The following AKT3 variants were observed in gnomAD, a reference collection of about 807,000 sequenced individuals.
AKT3 encodes the protein RAC-gamma serine/threonine-protein kinase.
A neutral mutation model predicts 65.3 loss-of-function variants in AKT3; 15 were observed. That is an observed-to-expected ratio of 0.23 (90% CI 0.15 to 0.35). AKT3 has a LOEUF of 0.35. Ranked by LOEUF, AKT3 falls within the 10% of genes least tolerant of loss-of-function variation. The probability of loss-of-function intolerance (pLI) is 1.00; values close to 1 mark genes in which losing one functional copy is unlikely to be tolerated. For missense variants in AKT3, 243 were observed against 576.5 expected (o/e 0.42, Z 5.92); for synonymous variants, 206 against 183.8 (o/e 1.12, Z -0.98).
intron 2 of AKT3, among the ~76,000 whole-genome samples, chr1:243,807,261 C>T (rs762997712): frequency 2.0e-4 from 30 of 152,200 alleles, no homozygotes; most frequent in Non-Finnish European, 4.1e-4. Context: ...AAGCACAAGG[C>T]GTCAGGGAAT....
At chr1:243,609,399 AT>A (rs1677698392) in intron 8 of AKT3, among the ~76,000 whole-genome samples, 1 of 151,154 alleles carries the variant, frequency 6.6e-6, no homozygotes, top group Non-Finnish European at 1.5e-5. Flanking sequence ...GCATGTTAAA[AT>A]TATACACCAC....
intron 3 of AKT3, among the ~76,000 whole-genome samples, chr1:243,676,498 G>A (rs1190526879): frequency 3.9e-5 from 6 of 152,054 alleles, no homozygotes; most frequent in African/African-American, 7.2e-5. Context: ...CTTCAGTCAC[G>A]GCCCTTCTCA....
chr1:243,686,012 C>G (rs144738484), intron 3 of AKT3, among the ~76,000 whole-genome samples: 4 of 152,176 alleles, frequency 2.6e-5, no homozygotes, highest in African/African-American at 9.6e-5. Flanking sequence ...ACAATTGCTA[C>G]AAAGAGAACA....
intron 2 of AKT3, among the ~76,000 whole-genome samples, chr1:243,718,620 G>A (rs538142686): frequency 2.7e-5 from 4 of 146,356 alleles, no homozygotes; most frequent in Non-Finnish European, 4.6e-5. Flanking sequence ...TCACCACCAC[G>A]CCTGGATAAT....
At chr1:243,810,953 G>A (rs1261794345) in intron 2 of AKT3, among the ~76,000 whole-genome samples, 1 of 152,078 alleles carries the variant, frequency 6.6e-6, no homozygotes, top group Admixed American at 6.6e-5. Flanking sequence ...TGCAGAAAAG[G>A]CCTTTGATAA....
chr1:243,629,598 C>T (rs545924877), intron 6 of AKT3, among the ~76,000 whole-genome samples: 22 of 152,206 alleles, frequency 1.4e-4, no homozygotes, highest in African/African-American at 5.3e-4. Context: ...CGAGACCATC[C>T]TGGCTAACAT....
chr1:243,537,601 T>A (rs953763557), intron 12 of AKT3, among the ~76,000 whole-genome samples: 1 of 152,224 alleles, frequency 6.6e-6, no homozygotes, highest in East Asian at 1.9e-4. Flanking sequence ...CTTAATGAGA[T>A]TCCCTTTTCC....
intron 2 of AKT3, among the ~76,000 whole-genome samples, chr1:243,764,872 C>G (rs969934249): frequency 1.3e-5 from 2 of 152,080 alleles, no homozygotes; most frequent in Non-Finnish European, 2.9e-5. Flanking sequence ...CTGTTGCAAA[C>G]ATTTCAAAAT....
At position 243,850,178 on chromosome 1, in the gene AKT3, C is replaced by T. The variant is rs1190159147; in HGVS notation, c.-251G>A. On this transcript the variant is annotated 5_prime_UTR_variant, in exon 1 of 14. Coordinates refer to ENST00000673466, the MANE Select transcript of AKT3 (RefSeq NM_005465.7). ...TCCTCCTCCCCTCCTGTCCTCCCCC[C>T]ACCCCACAGAGCCTCTGGCCTCCTG... 6.2e-6 allele frequency: 1 copy of T among 160,400 alleles called. No individual in the cohort carries two copies. The highest frequency in any genetic ancestry group is 1.3e-5 in the Non-Finnish European group (1 of 75,458). The allele number at this position is 160,400 out of a possible 1,614,324, so 9.9% of individuals were successfully genotyped here. A position where few individuals can be genotyped will look rare whatever the true frequency, so the allele number is the denominator to read the frequency against.
chr1:243,608,365 T>C (rs1374612815), intron 8 of AKT3, among the ~76,000 whole-genome samples: 2 of 152,154 alleles, frequency 1.3e-5, no homozygotes, highest in African/African-American at 2.4e-5. Context: ...TTCTAGAGCA[T>C]AGACTAAGAA....
At chr1:243,693,418 C>G (rs190269678) in intron 3 of AKT3, among the ~76,000 whole-genome samples, 1 of 151,186 alleles carries the variant, frequency 6.6e-6, no homozygotes, top group Admixed American at 6.6e-5. Flanking sequence ...TTGTTCCTTC[C>G]TTAATTCCTC....
intron 2 of AKT3, among the ~76,000 whole-genome samples, chr1:243,728,999 T>C (rs1248685801): frequency 1.3e-5 from 2 of 152,146 alleles, no homozygotes; most frequent in East Asian, 1.9e-4. Context: ...GTTTCAAGAA[T>C]TGAGTTGCTA....
At chr1:243,509,996 TTTC>T (rs1161065364) in intron 13 of AKT3, among the ~76,000 whole-genome samples, 7 of 152,366 alleles carry the variant, frequency 4.6e-5, no homozygotes, top group Middle Eastern at 3.4e-3. Context: ...CACTTTTAGC[TTTC>T]TTAAGTAAAA....
At chr1:243,777,875 G>C (rs1283341529) in intron 2 of AKT3, among the ~76,000 whole-genome samples, 3 of 152,058 alleles carry the variant, frequency 2.0e-5, no homozygotes, top group Non-Finnish European at 4.4e-5. Context: ...CCTTAGACTG[G>C]AATGTTAGAC....
chr1:243,707,883 C>A (rs72761647), intron 2 of AKT3, among the ~76,000 whole-genome samples: 88 of 152,088 alleles, frequency 5.8e-4, no homozygotes, highest in Non-Finnish European at 1.1e-3. Flanking sequence ...TATACATAGC[C>A]ACTGCATATA....
At chr1:243,488,952 C>T in intron 13 of AKT3, 3 of 1,611,834 alleles carry the variant, frequency 1.9e-6, no homozygotes, top group Admixed American at 3.3e-5. Flanking sequence ...TACACACAGC[C>T]CCTGGGCCTG....
chr1:243,791,358 T>C (rs1023469154), intron 2 of AKT3, among the ~76,000 whole-genome samples: 1 of 151,938 alleles, frequency 6.6e-6, no homozygotes, highest in Admixed American at 6.6e-5. Flanking sequence ...ACAATGGGTA[T>C]GAGAGGCGAA....
chr1:243,592,280 A>G (rs1434664852), intron 8 of AKT3, among the ~76,000 whole-genome samples: 1 of 152,016 alleles, frequency 6.6e-6, no homozygotes, highest in East Asian at 1.9e-4. Flanking sequence ...GCTTGCAGTG[A>G]GCCCAGATCA....
At chr1:243,689,383 C>G (rs945458449) in intron 3 of AKT3, among the ~76,000 whole-genome samples, 1 of 151,606 alleles carries the variant, frequency 6.6e-6, no homozygotes, top group African/African-American at 2.4e-5. Context: ...AAGTCATAAG[C>G]TTTTTCTCTA....
Sources: allele counts gnomAD v4.1 joint callset (sites outside exome capture counted in the v4.1 genomes callset), GRCh38; gene constraint gnomAD v4.1.1; transcripts MANE v1.5; gene names NCBI Gene and HGNC (gene_info 2026-07-23, HGNC 2026-07-21).